Variants in ABCC4 observed in about 807,000 individuals in gnomAD.
The protein encoded by ABCC4 is ATP binding cassette subfamily C member 4 (PEL blood group), also known as ATP-binding cassette sub-family C member 4.
Under a neutral mutation model 168.5 loss-of-function variants are expected in ABCC4, and 102 were observed. The ratio of observed to expected loss-of-function variants is 0.61; its 90% CI spans 0.52 to 0.71. The LOEUF is 0.71. Among genes scored for constraint, ABCC4 ranks in the 30% least tolerant of loss-of-function variants. The probability of loss-of-function intolerance (pLI) is 0.00; values close to 1 mark genes in which losing one functional copy is unlikely to be tolerated. For missense variants in ABCC4, 1,402 were observed against 1,605.8 expected (o/e 0.87, Z 2.17); for synonymous variants, 617 against 590.7 (o/e 1.04, Z -0.65).
chr13:95,193,629 C>A (rs1337460216), intron 9 of ABCC4, among the ~76,000 whole-genome samples: 1 of 152,216 alleles, frequency 6.6e-6, no homozygotes, highest in African/African-American at 2.4e-5. Context: ...TTGCAGAGGA[C>A]CCCGGACTCA....
chr13:95,071,912 AAG>A, intron 24 of ABCC4, 59 bp from the exon 25 acceptor site: 1 of 1,226,830 alleles, frequency 8.2e-7, no homozygotes, highest in South Asian at 2.2e-5. Context: ...TATGGATGTT[AAG>A]AGACTGTCAA....
chr13:95,034,539 G>C, intron 30 of ABCC4, 66 bp downstream of exon 30: 1 of 1,562,750 alleles, frequency 6.4e-7, no homozygotes, highest in Non-Finnish European at 8.6e-7. Context: ...CATACCCATG[G>C]TGCCAAATTG....
intron 19 of ABCC4, among the ~76,000 whole-genome samples, chr13:95,131,223 T>C (rs542375617): frequency 6.6e-6 from 1 of 152,046 alleles, no homozygotes; most frequent in South Asian, 2.1e-4. Context: ...TTTGATCTAA[T>C]TTTCAAGTGT....
rs11568651 is a variant in ABCC4 at position 95,062,665 on chromosome 13, T to C, written c.3366+39A>G. On this transcript the variant is annotated intron_variant, in intron 26 of 30. Transcript: ENST00000645237. ...TAAAAGCAATTAAACATAGTAGCTC[T>C]TATAAAAGGGGCAGGTAAGGACGCT... 1.6e-3 allele frequency: 2,545 copies of C among 1,559,436 alleles called. 5 individuals are homozygous for C. Among genetic ancestry groups the C allele is most frequent in the Non-Finnish European group, 2.1e-3 (2,394 of 1,149,502 alleles).
At chr13:95,218,905 AAGAGAGAGAGAGAGAAAGAAAG>A (rs2039203993) in intron 4 of ABCC4, among the ~76,000 whole-genome samples, 1 of 44,182 alleles carries the variant, frequency 2.3e-5, no homozygotes. Context: ...GAGAGAGAGA[AAGAGAGAGAGAGAGAAAGAAAG>A]AGAAAGAAAG....
At chr13:95,166,063 C>T in intron 15 of ABCC4, 95 bp downstream of exon 15, 1 of 1,189,148 alleles carries the variant, frequency 8.4e-7, no homozygotes, top group East Asian at 2.3e-5. Context: ...CACTTTGGGA[C>T]AAAAGATGAA....
chr13:95,194,965 G>T, intron 8 of ABCC4, 28 bp from the exon 9 acceptor site: 1 of 1,582,732 alleles, frequency 6.3e-7, no homozygotes, highest in Non-Finnish European at 8.6e-7. Flanking sequence ...AACACAGATT[G>T]TTTAAATTAC....
intron 4 of ABCC4, among the ~76,000 whole-genome samples, chr13:95,218,925 AAGAG>A (rs777167513): frequency 1.1e-5 from 1 of 94,738 alleles, no homozygotes; most frequent in African/African-American, 4.8e-5. Context: ...GAGAGAAAGA[AAGAG>A]AAAGAAAGAA....
chr13:95,297,796 C>T (rs905042327), intron 1 of ABCC4, among the ~76,000 whole-genome samples: 1 of 151,948 alleles, frequency 6.6e-6, no homozygotes, highest in Non-Finnish European at 1.5e-5. Flanking sequence ...GTCCTTGGGG[C>T]ACTGTTAGGT....
intron 1 of ABCC4, chr13:95,269,344 T>C (rs1253239487): frequency 2.2e-6 from 1 of 454,182 alleles, no homozygotes; most frequent in Non-Finnish European, 4.4e-6. Flanking sequence ...GAGGACTGCT[T>C]GAACACAGGA....
At chr13:95,291,744 TC>T (rs2041410342) in intron 1 of ABCC4, among the ~76,000 whole-genome samples, 1 of 152,156 alleles carries the variant, frequency 6.6e-6, no homozygotes, top group South Asian at 2.1e-4. Context: ...GACATAAACT[TC>T]CTGACCACAT....
At chr13:95,247,270 A>G (rs41277662) in intron 2 of ABCC4, among the ~76,000 whole-genome samples, 175 bp from the exon 3 acceptor site, 15,953 of 152,228 alleles carry the variant, frequency 0.1, 1,275 homozygotes, top group African/African-American at 0.23. Flanking sequence ...AATCTGGAGC[A>G]TCAGAAAAAC....
intron 11 of ABCC4, among the ~76,000 whole-genome samples, chr13:95,179,412 T>C (rs971290563): frequency 3.3e-5 from 5 of 152,164 alleles, no homozygotes; most frequent in Non-Finnish European, 7.3e-5. Flanking sequence ...TCTGGCTCCA[T>C]GCAAGACCCC....
chr13:95,155,351 G>A (rs1420926810), intron 19 of ABCC4, among the ~76,000 whole-genome samples: 2 of 152,042 alleles, frequency 1.3e-5, no homozygotes, highest in Non-Finnish European at 2.9e-5. Context: ...GCTAAAAGCT[G>A]AGAATCTTAA....
At chr13:95,127,528 T>C (rs970487637) in intron 19 of ABCC4, among the ~76,000 whole-genome samples, 1 of 152,194 alleles carries the variant, frequency 6.6e-6, no homozygotes, top group Non-Finnish European at 1.5e-5. Context: ...TCCACCCGCT[T>C]TGGCCTCCCA....
At chr13:95,034,566 G>A in intron 30 of ABCC4, 39 bp downstream of exon 30, 1 of 1,602,294 alleles carries the variant, frequency 6.2e-7, no homozygotes, top group Middle Eastern at 1.7e-4. Flanking sequence ...GGGAGCCGCT[G>A]AGACAAACTT....
intron 26 of ABCC4, among the ~76,000 whole-genome samples, chr13:95,055,206 A>C (rs767320010): frequency 3.2e-4 from 48 of 152,224 alleles, no homozygotes; most frequent in Non-Finnish European, 6.3e-4. Context: ...GAGGGGAATA[A>C]CCATCATTCT....
At chr13:95,240,091 T>C (rs1443192643) in intron 3 of ABCC4, among the ~76,000 whole-genome samples, 7 of 152,108 alleles carry the variant, frequency 4.6e-5, no homozygotes, top group Non-Finnish European at 7.3e-5. Flanking sequence ...ATCAAGCTTC[T>C]AGATCTAACT....
At chr13:95,191,811 A>C (rs2038259496) in intron 9 of ABCC4, among the ~76,000 whole-genome samples, 1 of 152,196 alleles carries the variant, frequency 6.6e-6, no homozygotes, top group African/African-American at 2.4e-5. Context: ...CTTTTTATTC[A>C]GTTTTGGCTG....
Sources: gnomAD v4.1 joint callset for allele counts (sites outside exome capture counted in the v4.1 genomes callset) on GRCh38, gnomAD v4.1.1 for gene constraint, MANE v1.5 for transcripts, NCBI Gene and HGNC (gene_info 2026-07-23, HGNC 2026-07-21) for gene names.